MBNL2: variants seen among roughly 807,000 people sequenced by gnomAD.
The protein encoded by MBNL2 is muscleblind like splicing regulator 2.
A neutral mutation model predicts 41.9 loss-of-function variants in MBNL2; 17 were observed. The ratio of observed to expected loss-of-function variants is 0.41; its 90% CI spans 0.28 to 0.61. The LOEUF is 0.61. Among genes scored for constraint, MBNL2 ranks in the 20% least tolerant of loss-of-function variants. The probability of loss-of-function intolerance (pLI) is 0.35; values close to 1 mark genes in which losing one functional copy is unlikely to be tolerated. For synonymous variants in MBNL2, 195 were observed against 182.9 expected (o/e 1.07, Z -0.53); for missense variants, 336 against 505.6 (o/e 0.66, Z 3.22).
chr13:97,333,619 C>G (rs539882500), intron 2 of MBNL2, among the ~76,000 whole-genome samples: 1 of 152,188 alleles, frequency 6.6e-6, no homozygotes, highest in Non-Finnish European at 1.5e-5. Context: ...GAAATGTCCA[C>G]CCCTGCACAC....
chr13:97,312,992 C>T (rs1166580438), intron 2 of MBNL2, among the ~76,000 whole-genome samples: 1 of 152,212 alleles, frequency 6.6e-6, no homozygotes, highest in Non-Finnish European at 1.5e-5. Context: ...CAACCATGTT[C>T]CCCTGGTGAC....
intron 7 of MBNL2, among the ~76,000 whole-genome samples, chr13:97,361,063 C>CA (rs1401086019): frequency 6.6e-6 from 1 of 152,060 alleles, no homozygotes; most frequent in African/African-American, 2.4e-5. Flanking sequence ...TTCTGGGTTC[C>CA]AGAGCCAGTA....
rs564615219 is a variant in MBNL2, at chr13:97,224,735, T to C, written c.-605+2204T>C. 2.6e-5 allele frequency among the ~76,000 whole-genome samples: 4 copies of C among 151,996 alleles called. No individual in the cohort carries two copies. The South Asian group carries it at 8.3e-4, about 32-fold the overall frequency. ...ATTAAGAAACTGTTGGCAAACACCT[T>C]AGAGTATTAAGATACATAGTCATAT... On this transcript the variant is annotated intron_variant, in intron 1 of 8. Transcript: ENST00000679496.
At chr13:97,218,232 A>C (rs2040535196), upstream of MBNL2, among the ~76,000 whole-genome samples, 1 of 151,944 alleles carries the variant, frequency 6.6e-6, no homozygotes, top group Non-Finnish European at 1.5e-5. Flanking sequence ...AGCACGGTGA[A>C]ATCCCATCTC....
intron 2 of MBNL2, among the ~76,000 whole-genome samples, chr13:97,319,812 T>A (rs1013681681): frequency 3.9e-5 from 6 of 152,242 alleles, no homozygotes; most frequent in African/African-American, 1.2e-4. Flanking sequence ...AGTTCTTTAG[T>A]GAAACATTTT....
chr13:97,378,821 T>A (rs2065179851), intron 8 of MBNL2, among the ~76,000 whole-genome samples: 1 of 152,212 alleles, frequency 6.6e-6, no homozygotes, highest in South Asian at 2.1e-4. Context: ...AGAAGCAACA[T>A]TTATCAAAAA....
chr13:97,329,893 A>G (rs2153056845), intron 2 of MBNL2, among the ~76,000 whole-genome samples: 1 of 152,144 alleles, frequency 6.6e-6, no homozygotes, highest in African/African-American at 2.4e-5. Flanking sequence ...CTCATTTTTC[A>G]GGTCTCAGTT....
At chr13:97,190,079 C>T in the MBNL2 span, among the ~76,000 whole-genome samples, 1 of 152,366 alleles carries the variant, frequency 6.6e-6, no homozygotes, top group Admixed American at 6.5e-5. Context: ...CCACCTGCCG[C>T]AGTGGACCCC....
intron 1 of MBNL2, among the ~76,000 whole-genome samples, chr13:97,238,426 A>G (rs914087838): frequency 1.3e-5 from 2 of 152,122 alleles, no homozygotes; most frequent in Admixed American, 6.6e-5. Context: ...AACCTCTCTC[A>G]TTGCCTTTGG....
intron 2 of MBNL2, among the ~76,000 whole-genome samples, chr13:97,332,282 C>T (rs867681469): frequency 3.9e-5 from 6 of 152,208 alleles, no homozygotes; most frequent in Admixed American, 1.3e-4. Flanking sequence ...CCCTCCTCCA[C>T]CCCAGCTGAT....
intron 8 of MBNL2, among the ~76,000 whole-genome samples, chr13:97,367,805 C>G (rs887535333): frequency 2.0e-5 from 3 of 152,162 alleles, no homozygotes; most frequent in Non-Finnish European, 4.4e-5. Flanking sequence ...CAGCAATTCA[C>G]TCCCACCTCT....
At chr13:97,216,010 C>T in the MBNL2 span, among the ~76,000 whole-genome samples, 1 of 152,186 alleles carries the variant, frequency 6.6e-6, no homozygotes, top group Non-Finnish European at 1.5e-5. Context: ...CATTTACATG[C>T]TTTATGCAAT....
At chr13:97,241,433 G>A (rs2044259645) in intron 1 of MBNL2, among the ~76,000 whole-genome samples, 1 of 152,210 alleles carries the variant, frequency 6.6e-6, no homozygotes, top group Non-Finnish European at 1.5e-5. Flanking sequence ...AAAAATGTAT[G>A]CTACTCTGAA....
At chr13:97,201,895 G>C in the MBNL2 span, among the ~76,000 whole-genome samples, 1 of 152,192 alleles carries the variant, frequency 6.6e-6, no homozygotes, top group African/African-American at 2.4e-5. Flanking sequence ...CACCATTTAA[G>C]TGTTAATGCT....
chr13:97,308,903 A>G (rs186364779), intron 2 of MBNL2, among the ~76,000 whole-genome samples: 231 of 152,318 alleles, frequency 1.5e-3, no homozygotes, highest in Non-Finnish European at 2.9e-3. Flanking sequence ...CTAGCAAGAT[A>G]AGCAAAAGAA....
chr13:97,199,812 A>G, the MBNL2 span, among the ~76,000 whole-genome samples: 93 of 152,180 alleles, frequency 6.1e-4, 1 homozygote, highest in Non-Finnish European at 1.2e-3. Flanking sequence ...CTTATCTTAT[A>G]GGGTTGTTGT....
chr13:97,346,836 C>G lies in MBNL2; in HGVS notation c.573C>G (p.Ala191=), dbSNP rs201609839. The change falls in exon 5 of 9, where the codon GCC becomes GCG. Residue 191 remains alanine, a synonymous_variant. Coordinates refer to ENST00000679496, the MANE Select transcript of MBNL2 (RefSeq NM_001382683.1). The surrounding 1 kb of genome is among the most constrained non-coding windows in gnomAD (Gnocchi z 4.2). Reference sequence around the variant, plus strand: ...GGGAGTTCCAGCGAGGAAACTGTGCCCGGGGAGAGACCGACTGCCGCTTTG... The same window carrying G: ...GGGAGTTCCAGCGAGGAAACTGTGCGCGGGGAGAGACCGACTGCCGCTTTG... The part of the protein sequence containing the change: ...VCREFQRGNC[A]RGETDCRFAH... 6.2e-7 allele frequency: 1 copy of G among 1,614,062 alleles called. No homozygotes were observed. Among genetic ancestry groups the G allele is most frequent in the East Asian group, 2.2e-5 (1 of 44,866 alleles).
chr13:97,316,743 C>T (rs2059092231), intron 2 of MBNL2, among the ~76,000 whole-genome samples: 1 of 152,184 alleles, frequency 6.6e-6, no homozygotes, highest in South Asian at 2.1e-4. Flanking sequence ...TAAAAAGGGC[C>T]ACCCAACCCA....
chr13:97,150,247 T>C, the MBNL2 span, among the ~76,000 whole-genome samples: 1 of 152,228 alleles, frequency 6.6e-6, no homozygotes, highest in Non-Finnish European at 1.5e-5. Flanking sequence ...TCTTCAGAGT[T>C]ATCCATGCTG....
Sources: allele counts gnomAD v4.1 joint callset (sites outside exome capture counted in the v4.1 genomes callset), GRCh38; gene constraint gnomAD v4.1.1; non-coding constraint Gnocchi (gnomAD v3.1); transcripts MANE v1.5; gene names NCBI Gene and HGNC (gene_info 2026-07-23, HGNC 2026-07-21).